The following MYO1E variants were observed in gnomAD, a reference collection of about 807,000 sequenced individuals.
MYO1E encodes unconventional myosin-Ie.
MYO1E carries 68 observed loss-of-function variants against 151.1 expected under a neutral mutation model. That is an observed-to-expected ratio of 0.45 (90% CI 0.37 to 0.55). The LOEUF is 0.55. MYO1E is among the 20% of genes least tolerant of loss of function. The pLI is 0.00. For synonymous variants in MYO1E, 601 were observed against 501.7 expected (o/e 1.20, Z -2.64); for missense variants, 1,363 against 1,389.3 (o/e 0.98, Z 0.30).
At chr15:59,171,138 G>A (rs1257255037) in intron 22 of MYO1E, 1 of 155,966 alleles carries the variant, frequency 6.4e-6, no homozygotes, top group Admixed American at 6.5e-5. Flanking sequence ...TAGTCTAGGA[G>A]TTCTTACCAT....
chr15:59,147,616 C>A (rs141291328), intron 26 of MYO1E, among the ~76,000 whole-genome samples: 2,263 of 69,842 alleles, frequency 0.032, 66 homozygotes, highest in Non-Finnish European at 0.048. Flanking sequence ...AAAAAAAAAA[C>A]AATACAAAAA....
intron 26 of MYO1E, among the ~76,000 whole-genome samples, chr15:59,146,007 TTTCA>T (rs1462345818): frequency 6.6e-6 from 1 of 152,116 alleles, no homozygotes; most frequent in Non-Finnish European, 1.5e-5. Context: ...CCAACTTTTG[TTTCA>T]TTATTTCCTT....
At chr15:59,291,886 G>C (rs1037155817) in intron 1 of MYO1E, among the ~76,000 whole-genome samples, 2 of 151,846 alleles carry the variant, frequency 1.3e-5, no homozygotes, top group African/African-American at 2.4e-5. Context: ...TTGATCACAG[G>C]GCAAGCAGTA....
intron 2 of MYO1E, among the ~76,000 whole-genome samples, chr15:59,262,719 G>C (rs2080231387): frequency 6.6e-6 from 1 of 152,080 alleles, no homozygotes; most frequent in African/African-American, 2.4e-5. Flanking sequence ...CCTACATCAG[G>C]TTTAGGGAAA....
At chr15:59,214,009 C>T (rs1480541524) in intron 12 of MYO1E, among the ~76,000 whole-genome samples, 3 of 152,178 alleles carry the variant, frequency 2.0e-5, no homozygotes, top group African/African-American at 7.2e-5. Flanking sequence ...AACATCACAG[C>T]ATCATTTGCT....
At chr15:59,146,875 G>A (rs2079444600) in intron 26 of MYO1E, among the ~76,000 whole-genome samples, 1 of 151,992 alleles carries the variant, frequency 6.6e-6, no homozygotes, top group Non-Finnish European at 1.5e-5. Flanking sequence ...ATCACTTTAT[G>A]TGTCTATTAC....
intron 22 of MYO1E, among the ~76,000 whole-genome samples, chr15:59,167,917 A>G (rs7181609): frequency 0.34 from 52,025 of 151,954 alleles, 10,107 homozygotes; most frequent in East Asian, 0.58. Flanking sequence ...GACCTCAAGC[A>G]ATCGGCTCGC....
At chr15:59,229,118 T>G (rs756291353) in intron 6 of MYO1E, among the ~76,000 whole-genome samples, 1 of 152,230 alleles carries the variant, frequency 6.6e-6, no homozygotes, top group Non-Finnish European at 1.5e-5. Flanking sequence ...GAGGGAATAC[T>G]TCAGTGCCTG....
At chr15:59,277,558 A>ACAACAACAACAAC (rs553908579) in intron 1 of MYO1E, among the ~76,000 whole-genome samples, 1 of 118,472 alleles carries the variant, frequency 8.4e-6, no homozygotes, top group Non-Finnish European at 1.7e-5. Flanking sequence ...CAAAAAAAAA[A>ACAACAACAACAAC]AAAAAAAAAA....
At chr15:59,267,758 T>C (rs1314485360) in intron 2 of MYO1E, among the ~76,000 whole-genome samples, 2 of 152,338 alleles carry the variant, frequency 1.3e-5, no homozygotes. Context: ...TCTCTCCCTA[T>C]GCACAATAGA....
intron 1 of MYO1E, among the ~76,000 whole-genome samples, chr15:59,360,278 G>T (rs1176364780): frequency 6.6e-6 from 1 of 152,028 alleles, no homozygotes; most frequent in Non-Finnish European, 1.5e-5. Context: ...CAAAATCTGT[G>T]GCTCACAGAA....
chr15:59,313,557 C>A (rs1260383826), intron 1 of MYO1E, among the ~76,000 whole-genome samples: 1 of 145,224 alleles, frequency 6.9e-6, no homozygotes, highest in Non-Finnish European at 1.5e-5. Context: ...GCATGTTCTC[C>A]TATCTCCTAT....
intron 17 of MYO1E, among the ~76,000 whole-genome samples, chr15:59,195,055 G>A (rs562282667): frequency 3.3e-5 from 5 of 152,238 alleles, no homozygotes; most frequent in South Asian, 2.1e-4. Flanking sequence ...CAGCTCTTAC[G>A]CCCTCCACTT....
chr15:59,238,362 T>C (rs1351449074), intron 4 of MYO1E, among the ~76,000 whole-genome samples: 2 of 152,202 alleles, frequency 1.3e-5, no homozygotes, highest in African/African-American at 4.8e-5. Context: ...AAGCTTACAA[T>C]GGCACAACCA....
At chr15:59,154,024 G>T (rs1186188642) in intron 25 of MYO1E, among the ~76,000 whole-genome samples, 1 of 152,144 alleles carries the variant, frequency 6.6e-6, no homozygotes, top group Admixed American at 6.5e-5. Context: ...AAATAAAATT[G>T]TATGTATTTA....
In MYO1E at chr15:59,276,083, T is replaced by C. The variant is rs116706849; in HGVS notation, c.4-3634A>G. ...GCCCTAGAATTGTGAGAATATGCAATAGGGCTCTGGGGCAACTAACCCTTC... is the reference window on the plus strand; with the variant it reads ...GCCCTAGAATTGTGAGAATATGCAACAGGGCTCTGGGGCAACTAACCCTTC... On this transcript the variant is annotated intron_variant, in intron 1 of 27. Coordinates refer to ENST00000288235, the MANE Select transcript of MYO1E (RefSeq NM_004998.4). Among the ~76,000 whole-genome samples, 728 of 152,246 alleles carry C rather than the reference T, an allele frequency of 4.8e-3. 5 individuals carry two copies. The highest frequency in any genetic ancestry group is 0.016 in the African/African-American group (674 of 41,556).
In MYO1E at chr15:59,133,341, T is replaced by C. The variant is rs2079355007; in HGVS notation, c.*4039A>G. On this transcript the variant is annotated 3_prime_UTR_variant, in exon 28 of 28. Transcript: ENST00000288235. Reference sequence around the variant, plus strand: ...AAGGCATGATCGCACCACTGTTCTCTAGTCTGGGTGACAAAGTGAGGTGCT... The same window carrying C: ...AAGGCATGATCGCACCACTGTTCTCCAGTCTGGGTGACAAAGTGAGGTGCT... 6.6e-6 allele frequency: 1 copy of C among 152,086 alleles called. No homozygotes were observed. The highest frequency in any genetic ancestry group is 1.5e-5 in the Non-Finnish European group (1 of 68,036). The allele number at this position is 152,086 out of a possible 1,614,324, so 9.4% of individuals were successfully genotyped here. A position where few individuals can be genotyped will look rare whatever the true frequency, so the allele number is the denominator to read the frequency against.
chr15:59,272,131 T>C, intron 2 of MYO1E, 175 bp downstream of exon 2: 1 of 651,498 alleles, frequency 1.5e-6, no homozygotes. Context: ...ATTTTTATTT[T>C]TTATAATAGA....
chr15:59,267,596 C>T (rs2080264042), intron 2 of MYO1E, among the ~76,000 whole-genome samples: 1 of 152,142 alleles, frequency 6.6e-6, no homozygotes, highest in African/African-American at 2.4e-5. Flanking sequence ...GGGTCTGGCA[C>T]GAAAATCTGG....
Sources: allele counts gnomAD v4.1 joint callset (sites outside exome capture counted in the v4.1 genomes callset), GRCh38; gene constraint gnomAD v4.1.1; transcripts MANE v1.5; gene names NCBI Gene and HGNC (gene_info 2026-07-23, HGNC 2026-07-21).